The following KIF20B variants were observed in gnomAD, a reference collection of about 807,000 sequenced individuals.
The protein encoded by KIF20B is kinesin-like protein KIF20B.
A neutral mutation model predicts 232.5 loss-of-function variants in KIF20B; 188 were observed. The observed-to-expected ratio is 0.81, with a 90% CI of 0.72 to 0.91. The LOEUF is 0.91. Ranked by LOEUF, KIF20B falls within the 40% of genes least tolerant of loss-of-function variation. KIF20B has a pLI of 0.00. For missense variants in KIF20B, 2,154 were observed against 2,055.9 expected (o/e 1.05, Z -0.92); for synonymous variants, 712 against 683.0 (o/e 1.04, Z -0.66).
At chr10:89,703,223 C>T (rs1564655064) in intron 1 of KIF20B, among the ~76,000 whole-genome samples, 1 of 152,152 alleles carries the variant, frequency 6.6e-6, no homozygotes, top group Non-Finnish European at 1.5e-5. Flanking sequence ...ATGCTCCCCC[C>T]TCTGCACCCC....
At position 89,738,607 on chromosome 10, in the gene KIF20B, G is replaced by T; in HGVS notation, c.3766G>T (p.Glu1256Ter). The T allele has an allele frequency of 6.5e-7, 1 of 1,550,006 alleles. No individual in the cohort carries two copies. The highest frequency in any genetic ancestry group is 8.7e-7 in the Non-Finnish European group (1 of 1,154,304). Residue 1256 changes from glutamate (E) to a stop codon, truncating the protein, a stop_gained, in exon 20 of 33, where the codon GAA (glutamate) becomes TAA (stop). Coordinates refer to ENST00000371728, the MANE Select transcript of KIF20B (RefSeq NM_001284259.2). LOFTEE classifies it high-confidence loss of function. ...KEEEEETNRQ[E>*]TEKLKEELSA... ...AGAAGAAGAAGAAACCAACAGGCAA[G>T]AAACAGAAAAGTAAGCTAAATGTTA...
intron 2 of KIF20B, among the ~76,000 whole-genome samples, chr10:89,707,680 A>G (rs1245537645): frequency 6.7e-6 from 1 of 150,310 alleles, no homozygotes; most frequent in African/African-American, 2.5e-5. Flanking sequence ...TACACCAGCT[A>G]GAACCTTTAA....
At chr10:89,702,376 T>A (rs2133073143) in intron 1 of KIF20B, among the ~76,000 whole-genome samples, 1 of 152,342 alleles carries the variant, frequency 6.6e-6, no homozygotes, top group Non-Finnish European at 1.5e-5. Context: ...GCTCGCTGGT[T>A]CAGTGATGCA....
Position 89,725,053 on chromosome 10 carries a change from A to C in KIF20B, c.1896A>C (p.Glu632Asp). The C allele has an allele frequency of 3.1e-6, 5 of 1,613,842 alleles. No individual in the cohort carries two copies. The highest frequency in any genetic ancestry group is 1.7e-6 in the Non-Finnish European group (2 of 1,179,798). Residue 632 changes from glutamate to aspartate, a missense_variant, in exon 15 of 33, where the codon GAA (glutamate) becomes GAC (aspartate). Transcript: ENST00000371728. ...TGCTTCAAGAACGAGAGATATTAGAAGAAAATGCTGAACGTCGTTTGGCTA... is the reference window on the plus strand; with the variant it reads ...TGCTTCAAGAACGAGAGATATTAGACGAAAATGCTGAACGTCGTTTGGCTA... ...ETLLQEREIL[E>D]ENAERRLAIF...
At chr10:89,751,552 G>C (rs545325647) in intron 24 of KIF20B, 81 bp downstream of exon 24, 2 of 1,316,642 alleles carry the variant, frequency 1.5e-6, no homozygotes, top group African/African-American at 1.5e-5. Flanking sequence ...CCTTGTTAAA[G>C]TAGTACGTAT....
At chr10:89,746,444 A>T (rs968162485) in intron 23 of KIF20B, among the ~76,000 whole-genome samples, 14 of 152,112 alleles carry the variant, frequency 9.2e-5, no homozygotes, top group African/African-American at 3.4e-4. Context: ...CCCGCAACCA[A>T]ATTCCGTGTC....
At chr10:89,712,051 G>A (rs913004906) in intron 6 of KIF20B, among the ~76,000 whole-genome samples, 1 of 151,062 alleles carries the variant, frequency 6.6e-6, no homozygotes, top group African/African-American at 2.4e-5. Flanking sequence ...TAGTTGATTA[G>A]TACATCTTAG....
chr10:89,764,957 A>C (rs1418226673), intron 29 of KIF20B, among the ~76,000 whole-genome samples: 3 of 151,612 alleles, frequency 2.0e-5, no homozygotes, highest in African/African-American at 7.3e-5. Context: ...TGTTTTAGAC[A>C]TGAAGTCCTT....
At chr10:89,744,500 G>A (rs138117640) in intron 22 of KIF20B, among the ~76,000 whole-genome samples, 398 of 152,244 alleles carry the variant, frequency 2.6e-3, no homozygotes, top group Middle Eastern at 3.4e-3. Context: ...ATGTACCATG[G>A]TAGTGTAATA....
At chr10:89,748,228 T>G (rs1841956127) in intron 23 of KIF20B, among the ~76,000 whole-genome samples, 1 of 152,232 alleles carries the variant, frequency 6.6e-6, no homozygotes, top group African/African-American at 2.4e-5. Context: ...CAGGCTAGTC[T>G]TGAACTCCTG....
In KIF20B at chr10:89,726,539, A is replaced by G; in HGVS notation, c.2230+18A>G. On this transcript the variant is annotated intron_variant, in intron 16 of 32. Coordinates refer to ENST00000371728, the MANE Select transcript of KIF20B (RefSeq NM_001284259.2). ...AGAAAATGGTAAGTGGATACATTTTACTTTTATTTAGATATTGTAAACACA... is the reference window on the plus strand; with the variant it reads ...AGAAAATGGTAAGTGGATACATTTTGCTTTTATTTAGATATTGTAAACACA... 6.6e-7 allele frequency: 1 copy of G among 1,526,168 alleles called. No homozygotes were observed. Among genetic ancestry groups the G allele is most frequent in the Non-Finnish European group, 8.9e-7 (1 of 1,128,460 alleles). The allele number at this position is 1,526,168 out of a possible 1,614,324, so 94.5% of individuals were successfully genotyped here.
At chr10:89,728,928 T>C (rs1843254062) in intron 17 of KIF20B, among the ~76,000 whole-genome samples, 200 bp from the exon 18 acceptor site, 1 of 138,748 alleles carries the variant, frequency 7.2e-6, no homozygotes, top group East Asian at 2.1e-4. Flanking sequence ...TGTGTGTGTG[T>C]GTGTGTGTGT....
intron 18 of KIF20B, among the ~76,000 whole-genome samples, chr10:89,732,290 A>C (rs1843341047): frequency 6.6e-6 from 1 of 151,898 alleles, no homozygotes; most frequent in Admixed American, 6.6e-5. Context: ...CAACACCTGG[A>C]ATTTTAATTT....
intron 25 of KIF20B, among the ~76,000 whole-genome samples, chr10:89,753,398 T>C (rs1223568173): frequency 6.6e-6 from 1 of 152,158 alleles, no homozygotes; most frequent in Non-Finnish European, 1.5e-5. Context: ...TTGTTACATA[T>C]TATATATTCT....
chr10:89,715,500 A>G (rs545132596), intron 8 of KIF20B, among the ~76,000 whole-genome samples: 1 of 152,302 alleles, frequency 6.6e-6, no homozygotes, highest in Admixed American at 6.5e-5. Context: ...ATGAAATGTT[A>G]CTATTCTTCC....
rs552818458 is a variant in KIF20B at position 89,774,366 on chromosome 10, A to G, written c.*318A>G. On this transcript the variant is annotated 3_prime_UTR_variant, in exon 33 of 33. Transcript: ENST00000371728. ...AATAGGTCAGGTATTTGGTTTACTTATATTTAACAATGTCTTATGAATTTT... is the reference window on the plus strand; with the variant it reads ...AATAGGTCAGGTATTTGGTTTACTTGTATTTAACAATGTCTTATGAATTTT... 1 of 172,094 alleles carries G rather than the reference A, an allele frequency of 5.8e-6. No individual in the cohort carries two copies. Among genetic ancestry groups the G allele is most frequent in the South Asian group, 2.0e-4 (1 of 5,076 alleles). The allele number at this position is 172,094 out of a possible 1,614,324, so 10.7% of individuals were successfully genotyped here.
chr10:89,765,739 T>G (rs961397403), intron 29 of KIF20B, among the ~76,000 whole-genome samples: 13 of 152,094 alleles, frequency 8.5e-5, no homozygotes, highest in Non-Finnish European at 1.8e-4. Context: ...TGTTAAGTAT[T>G]TTATTTCTCC....
chr10:89,730,979 G>A (rs1843305657), intron 18 of KIF20B, among the ~76,000 whole-genome samples: 1 of 152,166 alleles, frequency 6.6e-6, no homozygotes, highest in Admixed American at 6.5e-5. Context: ...TACGGTAGTA[G>A]TAGTAGAGAT....
chr10:89,765,024 T>C (rs1842324953), intron 29 of KIF20B, among the ~76,000 whole-genome samples: 1 of 151,546 alleles, frequency 6.6e-6, no homozygotes, highest in Non-Finnish European at 1.5e-5. Flanking sequence ...GTTTTTATGG[T>C]TTTAGGTCTA....
Sources: gnomAD v4.1 joint callset for allele counts (sites outside exome capture counted in the v4.1 genomes callset) on GRCh38, gnomAD v4.1.1 for gene constraint, MANE v1.5 for transcripts, NCBI Gene and HGNC (gene_info 2026-07-23, HGNC 2026-07-21) for gene names.